TENM4: variants seen among roughly 807,000 people sequenced by gnomAD.
TENM4 encodes the protein teneurin-4.
TENM4 carries 82 observed loss-of-function variants against 243.3 expected under a neutral mutation model. The ratio of observed to expected loss-of-function variants is 0.34; its 90% CI spans 0.28 to 0.40. The LOEUF is 0.40. Ranked by LOEUF, TENM4 falls within the 10% of genes least tolerant of loss-of-function variation. TENM4 has a pLI of 1.00. For missense variants in TENM4, 3,138 were observed against 3,673.3 expected (o/e 0.85, Z 3.77); for synonymous variants, 1,412 against 1,456.3 (o/e 0.97, Z 0.69).
intron 1 of TENM4, among the ~76,000 whole-genome samples, 175 bp from the exon 2 acceptor site, chr11:79,297,718 C>T (rs539604324): frequency 8.5e-5 from 13 of 152,218 alleles, no homozygotes; most frequent in East Asian, 3.9e-4. Context: ...TAATAAATTA[C>T]GCATGATAAT....
chr11:78,782,530 G>A (rs1193924144), intron 16 of TENM4, among the ~76,000 whole-genome samples: 1 of 152,216 alleles, frequency 6.6e-6, no homozygotes, highest in East Asian at 1.9e-4. Context: ...CCGGGAGGCA[G>A]AGGTTGCGGT....
At chr11:79,090,391 T>C (rs910055810) in intron 4 of TENM4, among the ~76,000 whole-genome samples, 3 of 152,268 alleles carry the variant, frequency 2.0e-5, no homozygotes, top group South Asian at 2.1e-4. Context: ...TGATGCTTCC[T>C]GCTTAAATGC....
At chr11:78,775,096 C>T (rs1792137) in intron 17 of TENM4, among the ~76,000 whole-genome samples, 2 of 152,002 alleles carry the variant, frequency 1.3e-5, no homozygotes, top group South Asian at 4.1e-4. Flanking sequence ...GAAAGTCACA[C>T]TGAATATCAA....
At chr11:78,947,003 A>AT (rs1271251104) in intron 6 of TENM4, among the ~76,000 whole-genome samples, 2 of 152,238 alleles carry the variant, frequency 1.3e-5, no homozygotes, top group African/African-American at 4.8e-5. Context: ...TTAGAATATC[A>AT]TATCAACATA....
intron 6 of TENM4, among the ~76,000 whole-genome samples, chr11:78,963,520 T>C (rs1857375026): frequency 1.3e-5 from 2 of 152,150 alleles, no homozygotes; most frequent in Admixed American, 6.5e-5. Flanking sequence ...GTCATATCCA[T>C]CCAGCTTTTC....
intron 12 of TENM4, among the ~76,000 whole-genome samples, chr11:78,836,517 C>A (rs767234064): frequency 9.2e-5 from 14 of 152,130 alleles, no homozygotes; most frequent in Non-Finnish European, 1.6e-4. Context: ...TCATTGTGTT[C>A]AGTAAGCTAA....
At chr11:78,814,176 A>G in intron 13 of TENM4, 118 bp downstream of exon 13, 1 of 926,024 alleles carries the variant, frequency 1.1e-6, no homozygotes, top group Non-Finnish European at 1.6e-6. Context: ...GCCCTTGGAA[A>G]CCCTTCTCGT....
intron 27 of TENM4, among the ~76,000 whole-genome samples, chr11:78,705,159 G>A (rs908538856): frequency 5.3e-5 from 8 of 152,212 alleles, no homozygotes; most frequent in African/African-American, 1.4e-4. Flanking sequence ...AACTCTGGCC[G>A]CTAAATATTT....
intron 29 of TENM4, among the ~76,000 whole-genome samples, chr11:78,676,671 C>T (rs1350255489): frequency 6.6e-6 from 1 of 152,204 alleles, no homozygotes; most frequent in East Asian, 1.9e-4. Flanking sequence ...AACAGTTATA[C>T]AGTTTTTCAC....
At chr11:78,931,628 T>G (rs1456809594) in intron 6 of TENM4, among the ~76,000 whole-genome samples, 1 of 152,218 alleles carries the variant, frequency 6.6e-6, no homozygotes, top group Non-Finnish European at 1.5e-5. Flanking sequence ...GTAGGTGTTA[T>G]TGTTTCCGTG....
At chr11:79,237,356 T>C (rs745610967) in intron 2 of TENM4, among the ~76,000 whole-genome samples, 14 of 152,148 alleles carry the variant, frequency 9.2e-5, no homozygotes, top group African/African-American at 3.4e-4. Flanking sequence ...GGAAATCAGA[T>C]CACCTGGCTT....
chr11:79,200,432 G>A (rs1426609572), intron 3 of TENM4, among the ~76,000 whole-genome samples: 1 of 152,172 alleles, frequency 6.6e-6, no homozygotes, highest in Admixed American at 6.5e-5. Context: ...ACATGCCATA[G>A]GTTCCTTCAT....
rs751305465 is a variant in TENM4, at chr11:78,672,060, C to T, written c.5766G>A (p.Lys1922=). 40 of 1,613,800 alleles carry T rather than the reference C, an allele frequency of 2.5e-5. No homozygotes were observed. The East Asian group carries it at 8.0e-4, about 32-fold the overall frequency. The change falls in exon 31 of 34, where the codon AAG becomes AAA. Residue 1922 remains lysine, a synonymous_variant. Coordinates refer to ENST00000278550, the MANE Select transcript of TENM4 (RefSeq NM_001098816.3). ...TCTCTAAGTATGTGTAGCTCCATGT[C>T]TTCCCATCAGCGAAGATCCTGGATG... ...RITSRIFADG[K]TWSYTYLEKS... is the part of the protein sequence containing the mutation.
chr11:79,164,311 A>C (rs1591326241), intron 3 of TENM4, among the ~76,000 whole-genome samples: 1 of 126,902 alleles, frequency 7.9e-6, no homozygotes, highest in Admixed American at 8.3e-5. Flanking sequence ...TATAGTATAT[A>C]GATATACTAG....
At chr11:79,342,046 C>T (rs1046333184) in intron 1 of TENM4, among the ~76,000 whole-genome samples, 1 of 152,218 alleles carries the variant, frequency 6.6e-6, no homozygotes, top group Admixed American at 6.5e-5. Context: ...TCTCTCTGGG[C>T]CATGAACAAA....
Position 78,846,743 on chromosome 11 carries a change from C to T in TENM4, c.1681+7361G>A, listed in dbSNP as rs1317363255. On this transcript the variant is annotated intron_variant, in intron 12 of 33. Coordinates refer to ENST00000278550, the MANE Select transcript of TENM4 (RefSeq NM_001098816.3). ...GCCAAGTACCATGTCTGCCTCCTGG[C>T]TATACCCAATGTCCAGACAAGGGTC... 5.9e-5 allele frequency among the ~76,000 whole-genome samples: 9 copies of T among 152,340 alleles called. No individual in the cohort carries two copies. The East Asian group carries it at 1.5e-3, about 26-fold the overall frequency.
At chr11:79,363,377 A>C (rs897127399) in intron 1 of TENM4, among the ~76,000 whole-genome samples, 3 of 152,246 alleles carry the variant, frequency 2.0e-5, no homozygotes, top group African/African-American at 7.2e-5. Context: ...AATGTAAAAA[A>C]ATGTGGAACT....
intron 1 of TENM4, among the ~76,000 whole-genome samples, chr11:79,313,520 ACT>A (rs1309114427): frequency 6.6e-6 from 1 of 152,098 alleles, no homozygotes; most frequent in Non-Finnish European, 1.5e-5. Flanking sequence ...CTTGCTAATA[ACT>A]CTTTCACAGA....
chr11:78,937,296 C>A (rs1054591387), intron 6 of TENM4, among the ~76,000 whole-genome samples: 3 of 152,158 alleles, frequency 2.0e-5, no homozygotes, highest in Non-Finnish European at 2.9e-5. Context: ...GCTACAAATA[C>A]CTCTCCATTT....
Sources: allele counts gnomAD v4.1 joint callset (sites outside exome capture counted in the v4.1 genomes callset), GRCh38; gene constraint gnomAD v4.1.1; transcripts MANE v1.5; gene names NCBI Gene and HGNC (gene_info 2026-07-23, HGNC 2026-07-21).